The following PLA2R1 variants were observed in gnomAD, a reference collection of about 807,000 sequenced individuals.
PLA2R1 encodes phospholipase A2 receptor 1.
In PLA2R1, 158 loss-of-function variants were observed where a neutral mutation model predicts 195.9. The ratio of observed to expected loss-of-function variants is 0.81; its 90% CI spans 0.71 to 0.92. The LOEUF (loss-of-function observed/expected upper bound fraction) is 0.92, where lower values mean the gene tolerates loss of function less well. Among genes scored for constraint, PLA2R1 ranks in the 40% least tolerant of loss-of-function variants. The pLI is 0.00. For synonymous variants in PLA2R1, 586 were observed against 598.2 expected, an observed-to-expected ratio of 0.98 and a Z score of 0.30; for missense variants, 1,626 against 1,764.6, an observed-to-expected ratio of 0.92 and a Z score of 1.41.
intron 2 of PLA2R1, among the ~76,000 whole-genome samples, chr2:160,042,604 T>C (rs2105595360): frequency 6.6e-6 from 1 of 152,282 alleles, no homozygotes; most frequent in East Asian, 1.9e-4. Flanking sequence ...TCAATAAATA[T>C]TTATTGAACA....
intron 1 of PLA2R1, among the ~76,000 whole-genome samples, chr2:160,047,838 G>C (rs1694968895): frequency 6.6e-6 from 1 of 152,168 alleles, no homozygotes; most frequent in South Asian, 2.1e-4. Flanking sequence ...GTGGGGCGGT[G>C]AGTTTGAAAC....
rs768516422 is a variant in PLA2R1, at chr2:159,945,089, GA to G, written c.3968-8del. The G allele has an allele frequency of 2.5e-5, 40 of 1,597,230 alleles. No homozygotes were observed. The highest frequency in any genetic ancestry group is 3.2e-5 in the Non-Finnish European group (37 of 1,169,524). On this transcript the variant is annotated splice_region_variant and splice_polypyrimidine_tract_variant and intron_variant, in intron 27 of 29. Coordinates refer to ENST00000283243, the MANE Select transcript of PLA2R1 (RefSeq NM_007366.5). The stretch of plus-strand genomic sequence containing the variant: ...AACCACTTTATGGTTTCATCTGTGA[GA>G]AAATTGCTGACTCATTATGAATTAT...
chr2:159,947,851 G>A (rs1011758858), intron 25 of PLA2R1, among the ~76,000 whole-genome samples: 3 of 152,072 alleles, frequency 2.0e-5, no homozygotes, highest in African/African-American at 7.2e-5. Flanking sequence ...TTTACAATTA[G>A]CATCCTAAAG....
intron 13 of PLA2R1, among the ~76,000 whole-genome samples, chr2:159,980,941 G>A (rs1330276826): frequency 1.3e-5 from 2 of 152,276 alleles, no homozygotes; most frequent in African/African-American, 4.8e-5. Context: ...ATGCCCGGTT[G>A]GACATTGTCA....
In PLA2R1 at chr2:159,932,640, C is replaced by G. The variant is rs1377268018; in HGVS notation, c.*9138G>C. ...TGTGAGTCGGGTTTCCAGCTCCTAC[C>G]AAGCTCTGTATACTAAGAAGGTAAA... On this transcript the variant is annotated 3_prime_UTR_variant, in exon 30 of 30. Coordinates refer to ENST00000283243, the MANE Select transcript of PLA2R1 (RefSeq NM_007366.5). 6.6e-6 allele frequency: 1 copy of G among 152,182 alleles called. No homozygotes were observed. Among genetic ancestry groups the G allele is most frequent in the Non-Finnish European group, 1.5e-5 (1 of 68,030 alleles). The allele number at this position is 152,182 out of a possible 1,614,324, so 9.4% of individuals were successfully genotyped here.
In PLA2R1 at chr2:160,013,255, T is replaced by C. The variant is rs574923344; in HGVS notation, c.1664+8A>G. On this transcript the variant is annotated splice_region_variant and intron_variant, in intron 10 of 29. Coordinates refer to ENST00000283243, the MANE Select transcript of PLA2R1 (RefSeq NM_007366.5). Reference sequence around the variant, plus strand: ...CGTCTTGTTTCTGTTAAAAAAAGTTTAATTTACCTGTTTGTAATGGTTACA... The same window carrying C: ...CGTCTTGTTTCTGTTAAAAAAAGTTCAATTTACCTGTTTGTAATGGTTACA... The C allele has an allele frequency of 6.7e-7, 1 of 1,485,342 alleles. No homozygotes were observed. The highest frequency in any genetic ancestry group is 2.3e-5 in the East Asian group (1 of 44,068). The allele number at this position is 1,485,342 out of a possible 1,614,324, so 92.0% of individuals were successfully genotyped here. A position where few individuals can be genotyped will look rare whatever the true frequency, so the allele number is the denominator to read the frequency against.
At chr2:160,060,569 T>C (rs138885245) in intron 1 of PLA2R1, among the ~76,000 whole-genome samples, 2 of 152,352 alleles carry the variant, frequency 1.3e-5, no homozygotes, top group African/African-American at 4.8e-5. Flanking sequence ...AGAATCTCTA[T>C]GCCAACTATG....
chr2:160,047,966 C>G (rs1197575253), intron 1 of PLA2R1, among the ~76,000 whole-genome samples: 1 of 152,156 alleles, frequency 6.6e-6, no homozygotes, highest in Admixed American at 6.5e-5. Flanking sequence ...GCTGGGATTA[C>G]AGGTGTGTAC....
intron 9 of PLA2R1, 70 bp from the exon 10 acceptor site, chr2:160,013,445 T>C: frequency 1.2e-6 from 1 of 850,590 alleles, no homozygotes; most frequent in Non-Finnish European, 1.9e-6. Flanking sequence ...TATTTTTGCA[T>C]ACTCTTTTAC....
At chr2:159,983,886 A>T in intron 13 of PLA2R1, 42 bp downstream of exon 13, 1 of 1,145,766 alleles carries the variant, frequency 8.7e-7, no homozygotes, top group South Asian at 1.4e-5. Context: ...ACTGGGAGAT[A>T]GAATATTTGA....
intron 20 of PLA2R1, among the ~76,000 whole-genome samples, chr2:159,967,205 A>G (rs1052480595): frequency 2.6e-5 from 4 of 152,068 alleles, no homozygotes; most frequent in Admixed American, 2.6e-4. Flanking sequence ...GAGCACACAC[A>G]CACATGCATA....
At chr2:159,980,338 A>G (rs1165797078) in intron 13 of PLA2R1, among the ~76,000 whole-genome samples, 1 of 152,202 alleles carries the variant, frequency 6.6e-6, no homozygotes, top group Non-Finnish European at 1.5e-5. Flanking sequence ...ACAAGAACAC[A>G]TGAAAAGAAA....
At position 159,956,637 on chromosome 2, in the gene PLA2R1, A is replaced by G; in HGVS notation, c.2905-10T>C. The G allele has an allele frequency of 6.7e-7, 1 of 1,496,082 alleles. No homozygotes were observed. The allele number at this position is 1,496,082 out of a possible 1,614,324, so 92.7% of individuals were successfully genotyped here. A position where few individuals can be genotyped will look rare whatever the true frequency, so the allele number is the denominator to read the frequency against. ...TATTCAGCAGAAGGCACTATCAAAA[A>G]ATGTCAAAACAAAACATTCATTTCT... is the stretch of plus-strand genomic sequence containing the variant. On this transcript the variant is annotated splice_polypyrimidine_tract_variant and intron_variant, in intron 20 of 29. Coordinates refer to ENST00000283243, the MANE Select transcript of PLA2R1 (RefSeq NM_007366.5).
chr2:160,046,053 C>A (rs937601087), intron 1 of PLA2R1, among the ~76,000 whole-genome samples: 1 of 152,240 alleles, frequency 6.6e-6, no homozygotes, highest in Non-Finnish European at 1.5e-5. Context: ...TGACTTAACC[C>A]AAGTTGCGGG....
intron 13 of PLA2R1, among the ~76,000 whole-genome samples, chr2:159,981,880 T>C (rs2465668): frequency 0.86 from 130,426 of 152,152 alleles, 56,142 homozygotes; most frequent in African/African-American, 0.92. Context: ...AGTCTCACTA[T>C]GCTGCCTAGG....
rs151329449 is a variant in PLA2R1, at chr2:160,055,357, G to A, written c.109+6938C>T. On this transcript the variant is annotated intron_variant, in intron 1 of 29. Coordinates refer to ENST00000283243, the MANE Select transcript of PLA2R1 (RefSeq NM_007366.5). ...GGCAGCTAAACCACTATCCGATCAC[G>A]CTTTTACTGAAATTCCGTTTCCAGA... Among the ~76,000 whole-genome samples, 1,038 of 152,310 alleles carry A rather than the reference G, an allele frequency of 6.8e-3. 14 individuals carry two copies. The highest frequency in any genetic ancestry group is 0.024 in the African/African-American group (990 of 41,572).
Position 160,044,825 on chromosome 2 carries a change from A to T in PLA2R1, c.442T>A (p.Trp148Arg), listed in dbSNP as rs761467378. ...CCACCACCTGACCCATAAGAAATCC[A>T]CTTATGAATATACTTCCGTGAGGCC... is the stretch of plus-strand genomic sequence containing the variant. ...VVASRKYIHK[W>R]ISYGSGGGDI... is the part of the protein sequence containing the mutation. Residue 148 changes from tryptophan (W) to arginine (R), a missense_variant, in exon 2 of 30, where the codon TGG (tryptophan) becomes AGG (arginine). By Grantham distance (101) the Trp-to-Arg change is moderately radical (BLOSUM62 -3). Transcript: ENST00000283243. The T allele has an allele frequency of 1.2e-6, 2 of 1,612,324 alleles. No homozygotes were observed. Among genetic ancestry groups the T allele is most frequent in the East Asian group, 4.5e-5 (2 of 44,896 alleles).
intron 11 of PLA2R1, among the ~76,000 whole-genome samples, chr2:159,993,257 A>G (rs867541496): frequency 1.3e-5 from 2 of 152,004 alleles, no homozygotes; most frequent in Non-Finnish European, 2.9e-5. Flanking sequence ...TGAATATTTC[A>G]TTTCTCTTGA....
chr2:159,987,057 G>GAA, intron 12 of PLA2R1, 99 bp downstream of exon 12: 3 of 847,302 alleles, frequency 3.5e-6, no homozygotes, highest in Non-Finnish European at 5.8e-6. Context: ...CACTGTTCTG[G>GAA]AAAAAAAAAG....
Sources: allele counts gnomAD v4.1 joint callset (sites outside exome capture counted in the v4.1 genomes callset), GRCh38; gene constraint gnomAD v4.1.1; transcripts MANE v1.5; gene names NCBI Gene and HGNC (gene_info 2026-07-23, HGNC 2026-07-21).